CERS1: variants seen among roughly 807,000 people sequenced by gnomAD.
CERS1 encodes the protein ceramide synthase 1.
Under a neutral mutation model 35.7 loss-of-function variants are expected in CERS1, and 16 were observed. The ratio of observed to expected loss-of-function variants is 0.45; its 90% CI spans 0.30 to 0.68. The LOEUF (loss-of-function observed/expected upper bound fraction) is 0.68, where lower values mean the gene tolerates loss of function less well. Among genes scored for constraint, CERS1 ranks in the 30% least tolerant of loss-of-function variants. CERS1 has a pLI of 0.08. For synonymous variants in CERS1, 243 were observed against 201.6 expected, an observed-to-expected ratio of 1.21 and a Z score of -1.74; for missense variants, 454 against 453.9, an observed-to-expected ratio of 1.00 and a Z score of 0.00.
At chr19:18,874,062 C>T (rs1037823656) in intron 6 of CERS1, among the ~76,000 whole-genome samples, 7 of 152,120 alleles carry the variant, frequency 4.6e-5, no homozygotes, top group Non-Finnish European at 7.4e-5. Context: ...CACGTTCTCT[C>T]CTGGGTTGAA....
upstream of CERS1, chr19:18,896,580 CCTT>C (rs2056630433): frequency 6.5e-6 from 1 of 152,692 alleles, no homozygotes; most frequent in African/African-American, 2.4e-5. The surrounding 1 kb of genome is among the most constrained non-coding windows in gnomAD (Gnocchi z 5.9). Context: ...AGCCCTCGCT[CCTT>C]CTCAAGGACC....
rs1441180668 is a variant in CERS1 at position 18,871,946 on chromosome 19, C to T, written c.1011-1327G>A. Among the ~76,000 whole-genome samples, 6 of 152,324 alleles carry T rather than the reference C, an allele frequency of 3.9e-5. No individual in the cohort carries two copies. The East Asian group carries it at 5.8e-4, about 15-fold the overall frequency. ...GACTCCAGGGATTCCATTTCTGCAT[C>T]GACACCTTTGGTATAAGGTGGGGGT... On this transcript the variant is annotated intron_variant, in intron 6 of 7. Transcript: ENST00000623882.
Position 18,877,091 on chromosome 19 carries a change from G to A in CERS1, c.1010+1839C>T, listed in dbSNP as rs149818088. Among the ~76,000 whole-genome samples the A allele has an allele frequency of 1.8e-3, 278 of 152,306 alleles. 1 individual carries two copies. Among genetic ancestry groups the A allele is most frequent in the African/African-American group, 5.8e-3 (240 of 41,574 alleles). ...TTTTATACCCAACTGCACTAACTCC[G>A]GCTGTCCTTGGAGAATCGAATTCTG... On this transcript the variant is annotated intron_variant, in intron 6 of 7. Transcript: ENST00000623882.
Position 18,895,703 on chromosome 19 carries a change from G to A in CERS1, c.249+121C>T. On this transcript the variant is annotated intron_variant, in intron 1 of 7. Transcript: ENST00000623882. The surrounding 1 kb of genome is among the most constrained non-coding windows in gnomAD (Gnocchi z 6.4). ...GCCCGAGGCCCCCACCCACGTTCCG[G>A]CGACCCCTTCATCCGCAGCAGCCAG... 2.3e-6 allele frequency: 1 copy of A among 443,474 alleles called. No homozygotes were observed. The highest frequency in any genetic ancestry group is 7.0e-5 in the South Asian group (1 of 14,244). The allele number at this position is 443,474 out of a possible 1,614,324, so 27.5% of individuals were successfully genotyped here. A position where few individuals can be genotyped will look rare whatever the true frequency, so the allele number is the denominator to read the frequency against.
chr19:18,875,287 T>G (rs2056041458), intron 6 of CERS1, among the ~76,000 whole-genome samples: 2 of 149,794 alleles, frequency 1.3e-5, no homozygotes, highest in African/African-American at 4.9e-5. Flanking sequence ...GGCTCACGCC[T>G]ATAATCCCAA....
chr19:18,883,544 A>T (rs578179924), intron 3 of CERS1, among the ~76,000 whole-genome samples: 1 of 149,244 alleles, frequency 6.7e-6, no homozygotes, highest in African/African-American at 2.4e-5. Flanking sequence ...AAAAAAAAAG[A>T]GAGAGAGAAA....
rs1288147363 is a variant in CERS1 at position 18,870,825 on chromosome 19, T to A, written c.1011-206A>T. On this transcript the variant is annotated intron_variant, in intron 6 of 7. Coordinates refer to ENST00000623882, the MANE Select transcript of CERS1 (RefSeq NM_021267.5). This position sits in a 1 kb window ranked among gnomAD's most constrained non-coding sequence, Gnocchi z 5.1. Reference sequence around the variant, plus strand: ...TCCTTCAACCTGCCCCGTAGGCACGTATGTCCCCCCTGGCACCCTGGCACT... The same window carrying A: ...TCCTTCAACCTGCCCCGTAGGCACGAATGTCCCCCCTGGCACCCTGGCACT... Among the ~76,000 whole-genome samples, 1 of 151,906 alleles carries A rather than the reference T, an allele frequency of 6.6e-6. No homozygotes were observed. The highest frequency in any genetic ancestry group is 1.9e-4 in the East Asian group (1 of 5,172).
At chr19:18,888,885 CTT>C (rs1166318704) in intron 2 of CERS1, among the ~76,000 whole-genome samples, 4 of 142,366 alleles carry the variant, frequency 2.8e-5, no homozygotes, top group Non-Finnish European at 6.1e-5. Flanking sequence ...GAATTTCTTT[CTT>C]TCTTTTTTTT....
At chr19:18,884,779 T>C (rs1202946005) in intron 2 of CERS1, among the ~76,000 whole-genome samples, 1 of 135,862 alleles carries the variant, frequency 7.4e-6, no homozygotes, top group Admixed American at 8.4e-5. Flanking sequence ...AGCGGCACGA[T>C]CTCAGCTCAC....
At chr19:18,887,041 C>T (rs935586306) in intron 2 of CERS1, among the ~76,000 whole-genome samples, 21 of 152,228 alleles carry the variant, frequency 1.4e-4, no homozygotes, top group African/African-American at 4.8e-4. Flanking sequence ...AAAACGGGGA[C>T]TCAAAGAGAT....
chr19:18,890,130 T>C (rs1160009322), intron 2 of CERS1, among the ~76,000 whole-genome samples: 2 of 152,316 alleles, frequency 1.3e-5, no homozygotes, highest in East Asian at 1.9e-4. Context: ...CTGGATGGCA[T>C]GGCCCCCACT....
chr19:18,884,918 G>T (rs562891995), intron 2 of CERS1, among the ~76,000 whole-genome samples: 1 of 151,400 alleles, frequency 6.6e-6, no homozygotes, highest in East Asian at 2.0e-4. Context: ...CTTTTGCCAT[G>T]TTGGACAGAC....
chr19:18,868,918 A>G lies in CERS1; in HGVS notation c.*1067T>C. On this transcript the variant is annotated 3_prime_UTR_variant, in exon 8 of 8. Transcript: ENST00000623882. ...TCACGTACAGCCGCCGCGCGCGACA[A>G]GCGCCCCCGGGGCCGCCGCCCAACA... 7.3e-7 allele frequency: 1 copy of G among 1,364,294 alleles called. No homozygotes were observed. The highest frequency in any genetic ancestry group is 9.5e-7 in the Non-Finnish European group (1 of 1,049,032). The allele number at this position is 1,364,294 out of a possible 1,614,324, so 84.5% of individuals were successfully genotyped here.
chr19:18,886,915 C>T (rs1190890099), intron 2 of CERS1, among the ~76,000 whole-genome samples: 2 of 152,222 alleles, frequency 1.3e-5, no homozygotes, highest in Non-Finnish European at 2.9e-5. Context: ...ATCTCTCCAG[C>T]GATCCCTGGC....
At chr19:18,869,869 G>A in intron 7 of CERS1, 114 bp downstream of exon 7, 2 of 1,036,090 alleles carry the variant, frequency 1.9e-6, no homozygotes, top group Admixed American at 2.0e-5. Flanking sequence ...TAGTAGCCTG[G>A]ACAGGGCGGG....
Position 18,878,567 on chromosome 19 carries a change from T to G in CERS1, c.1010+363A>C. 1 of 1,042,416 alleles carries G rather than the reference T, an allele frequency of 9.6e-7. No individual in the cohort carries two copies. Among genetic ancestry groups the G allele is most frequent in the Non-Finnish European group, 1.2e-6 (1 of 864,074 alleles). The allele number at this position is 1,042,416 out of a possible 1,614,324, so 64.6% of individuals were successfully genotyped here. ...ACTGCCACCAGCTCCAGTGGCGACA[T>G]GGGTCAGAGGTCGTCATCCAGGCTG... On this transcript the variant is annotated intron_variant, in intron 6 of 7. Coordinates refer to ENST00000623882, the MANE Select transcript of CERS1 (RefSeq NM_021267.5). This position sits in a 1 kb window ranked among gnomAD's most constrained non-coding sequence, Gnocchi z 4.6.
In CERS1 at chr19:18,870,832, CCCCTGGCA is replaced by C. The variant is rs932283451; in HGVS notation, c.1011-221_1011-214del. Among the ~76,000 whole-genome samples the C allele has an allele frequency of 2.6e-5, 4 of 152,120 alleles. No homozygotes were observed. Among genetic ancestry groups the C allele is most frequent in the Admixed American group, 2.0e-4 (3 of 15,270 alleles). ...ACCTGCCCCGTAGGCACGTATGTCC[CCCCTGGCA>C]CCCTGGCACTTCCTCCTTGCTTCCC... On this transcript the variant is annotated intron_variant, in intron 6 of 7. Coordinates refer to ENST00000623882, the MANE Select transcript of CERS1 (RefSeq NM_021267.5). The surrounding 1 kb of genome is among the most constrained non-coding windows in gnomAD (Gnocchi z 5.1).
At chr19:18,890,888 C>T (rs973011798) in intron 2 of CERS1, among the ~76,000 whole-genome samples, 2 of 151,280 alleles carry the variant, frequency 1.3e-5, no homozygotes, top group East Asian at 1.9e-4. Context: ...CTTTGGGAGG[C>T]TGAGGCGGGC....
chr19:18,879,436 C>G (rs2056139789), intron 4 of CERS1, 48 bp from the exon 5 acceptor site: 1 of 1,543,128 alleles, frequency 6.5e-7, no homozygotes, highest in Non-Finnish European at 8.7e-7. Context: ...GGACGGTGCC[C>G]TACCCAGTCC....
Sources: allele counts gnomAD v4.1 joint callset (sites outside exome capture counted in the v4.1 genomes callset), GRCh38; gene constraint gnomAD v4.1.1; non-coding constraint Gnocchi (gnomAD v3.1); transcripts MANE v1.5; gene names NCBI Gene and HGNC (gene_info 2026-07-23, HGNC 2026-07-21).